The following LPGAT1 variants were observed in gnomAD, a reference collection of about 807,000 sequenced individuals.
LPGAT1 encodes the protein lysophosphatidylglycerol acyltransferase 1, also known as acyl-CoA:lysophosphatidylglycerol acyltransferase 1.
Under a neutral mutation model 47.5 loss-of-function variants are expected in LPGAT1, and 11 were observed. The ratio of observed to expected loss-of-function variants is 0.23; its 90% confidence interval spans 0.15 to 0.38. LPGAT1 has a LOEUF of 0.38. Among genes scored for constraint, LPGAT1 ranks in the 10% least tolerant of loss-of-function variants. The probability of loss-of-function intolerance (pLI) is 1.00; values close to 1 mark genes in which losing one functional copy is unlikely to be tolerated. For synonymous variants in LPGAT1, 138 were observed against 144.2 expected, an observed-to-expected ratio of 0.96 and a Z score of 0.31; for missense variants, 293 against 439.0, an observed-to-expected ratio of 0.67 and a Z score of 2.97.
rs1187048014 is a variant in LPGAT1, at chr1:211,830,137, T to TGTGGAAGGGTCGTGGCGGCG, written c.-28+416_-28+435dup. Reference sequence around the variant, plus strand: ...TGGAGCCTGCAGCGGTTTCCGCGGATGTGGAAGGGTCGTGGCGGCGGGCGC... The same window carrying TGTGGAAGGGTCGTGGCGGCG: ...TGGAGCCTGCAGCGGTTTCCGCGGATGTGGAAGGGTCGTGGCGGCGGTGGAAGGGTCGTGGCGGCGGGCGC... On this transcript the variant is annotated intron_variant, in intron 1 of 7. Transcript: ENST00000366997. The surrounding 1 kb of genome is among the most constrained non-coding windows in gnomAD (Gnocchi z 5.9). The TGTGGAAGGGTCGTGGCGGCG allele has an allele frequency of 5.1e-6, 5 of 983,604 alleles. No individual in the cohort carries two copies. The African/African-American group carries it at 8.8e-5, about 17-fold the overall frequency. The allele number at this position is 983,604 out of a possible 1,614,324, so 60.9% of individuals were successfully genotyped here. A position where few individuals can be genotyped will look rare whatever the true frequency, so the allele number is the denominator to read the frequency against.
At chr1:211,764,893 A>C (rs1288537152) in intron 6 of LPGAT1, among the ~76,000 whole-genome samples, 2 of 152,198 alleles carry the variant, frequency 1.3e-5, no homozygotes, top group Non-Finnish European at 2.9e-5. Flanking sequence ...TCCCCTTCTC[A>C]GTCAAGGATA....
At position 211,774,132 on chromosome 1, in the gene LPGAT1, C is replaced by CTTTTTTTTTTTTTTTTTTTTTTTTT. The variant is rs67342051; in HGVS notation, c.854+4785_854+4786insAAAAAAAAAAAAAAAAAAAAAAAAA. 9.0e-5 allele frequency among the ~76,000 whole-genome samples: 6 copies of CTTTTTTTTTTTTTTTTTTTTTTTTT among 66,826 alleles called. 1 individual carries two copies. Among genetic ancestry groups the CTTTTTTTTTTTTTTTTTTTTTTTTT allele is most frequent in the East Asian group, 1.2e-3 (2 of 1,612 alleles). The allele number at this position is 66,826 out of a possible 152,430, so 43.8% of individuals were successfully genotyped here. The stretch of plus-strand genomic sequence containing the variant: ...AAAGTGCTTTGTGTTTTTTAAAAGT[C>CTTTTTTTTTTTTTTTTTTTTTTTTT]TTTTTTTTTTTTTTTTTTTTGAGAC... On this transcript the variant is annotated intron_variant, in intron 6 of 7. Transcript: ENST00000366997.
rs1437509514 is a variant in LPGAT1 at position 211,745,949 on chromosome 1, C to T, written c.*3950G>A. ...ATCCTCTGTGGACCAGAGCTGAACA[C>T]ACTCATAATGGTAACTCTGGAGTGA... On this transcript the variant is annotated 3_prime_UTR_variant, in exon 8 of 8. Coordinates refer to ENST00000366997, the MANE Select transcript of LPGAT1 (RefSeq NM_014873.3). 2 of 152,636 alleles carry T rather than the reference C, an allele frequency of 1.3e-5. No homozygotes were observed. Among genetic ancestry groups the T allele is most frequent in the Non-Finnish European group, 2.9e-5 (2 of 68,046 alleles). The allele number at this position is 152,636 out of a possible 1,614,324, so 9.5% of individuals were successfully genotyped here.
chr1:211,821,057 A>C (rs932339044), intron 2 of LPGAT1, among the ~76,000 whole-genome samples: 9 of 152,216 alleles, frequency 5.9e-5, no homozygotes, highest in African/African-American at 2.2e-4. Context: ...CAAAAAAAAG[A>C]AAGTGTGAGG....
intron 2 of LPGAT1, among the ~76,000 whole-genome samples, chr1:211,797,163 C>T (rs915738851): frequency 6.6e-6 from 1 of 151,930 alleles, no homozygotes; most frequent in African/African-American, 2.4e-5. Context: ...GCCTGAGGCA[C>T]AAGAATCGCT....
Position 211,746,114 on chromosome 1 carries a change from T to C in LPGAT1, c.*3785A>G, listed in dbSNP as rs1166538416. ...CATGATTAAAGGCTACTCTCTATGA[T>C]TAACCAGGTCCAACTAGTTCAGAAG... On this transcript the variant is annotated 3_prime_UTR_variant, in exon 8 of 8. Transcript: ENST00000366997. 6.5e-6 allele frequency: 1 copy of C among 152,672 alleles called. No homozygotes were observed. Among genetic ancestry groups the C allele is most frequent in the Non-Finnish European group, 1.5e-5 (1 of 68,038 alleles). The allele number at this position is 152,672 out of a possible 1,614,324, so 9.5% of individuals were successfully genotyped here.
chr1:211,793,747 G>A (rs960940959), intron 2 of LPGAT1, among the ~76,000 whole-genome samples: 2 of 152,026 alleles, frequency 1.3e-5, no homozygotes, highest in African/African-American at 2.4e-5. Context: ...TCATACCTTT[G>A]ATCTAGAAGT....
At chr1:211,770,712 A>C (rs966994789) in intron 6 of LPGAT1, among the ~76,000 whole-genome samples, 3 of 152,198 alleles carry the variant, frequency 2.0e-5, no homozygotes, top group African/African-American at 7.2e-5. Flanking sequence ...GTAATATCCT[A>C]GGCCTTCACA....
rs2102618682 is a variant in LPGAT1, at chr1:211,830,122, A to G, written c.-28+451T>C. On this transcript the variant is annotated intron_variant, in intron 1 of 7. Coordinates refer to ENST00000366997, the MANE Select transcript of LPGAT1 (RefSeq NM_014873.3). The surrounding 1 kb of genome is among the most constrained non-coding windows in gnomAD (Gnocchi z 5.9). ...AGCGCGGGGAGCCGGTGGAGCCTGC[A>G]GCGGTTTCCGCGGATGTGGAAGGGT... is the stretch of plus-strand genomic sequence containing the variant. The G allele has an allele frequency of 2.0e-6, 2 of 984,282 alleles. No individual in the cohort carries two copies. The highest frequency in any genetic ancestry group is 1.0e-3 in the Middle Eastern group (2 of 1,918). 61.0% of individuals were successfully genotyped at this position (984,282 alleles called of 1,614,324 possible).
Position 211,783,215 on chromosome 1 carries a change from A to G in LPGAT1, c.727+14T>C. The G allele has an allele frequency of 1.9e-6, 3 of 1,581,396 alleles. No homozygotes were observed. The highest frequency in any genetic ancestry group is 2.6e-6 in the Non-Finnish European group (3 of 1,159,146). ...TAACTCCAACAAGGTAAAAAATGCT[A>G]AAAACCATCATACCTAATTCTTTAG... On this transcript the variant is annotated intron_variant, in intron 5 of 7. Transcript: ENST00000366997.
In LPGAT1 at chr1:211,808,350, CAA is replaced by C. The variant is rs34803941; in HGVS notation, c.239-15162_239-15161del. Among the ~76,000 whole-genome samples the C allele has an allele frequency of 6.2e-3, 757 of 122,726 alleles. 10 individuals are homozygous for C. Among genetic ancestry groups the C allele is most frequent in the African/African-American group, 0.02 (685 of 34,304 alleles). 80.5% of individuals were successfully genotyped at this position (122,726 alleles called of 152,430 possible). A position where few individuals can be genotyped will look rare whatever the true frequency, so the allele number is the denominator to read the frequency against. ...GCGCAACAAGGGCGAAACTCCGTCT[CAA>C]AAAAAAAAAAAAAACCTCTCAAAAC... On this transcript the variant is annotated intron_variant, in intron 2 of 7. Coordinates refer to ENST00000366997, the MANE Select transcript of LPGAT1 (RefSeq NM_014873.3).
At position 211,750,979 on chromosome 1, in the gene LPGAT1, A is replaced by G. The variant is rs1657152936; in HGVS notation, c.943T>C (p.Ser315Pro). 6.2e-7 allele frequency: 1 copy of G among 1,612,248 alleles called. No individual in the cohort carries two copies. Among genetic ancestry groups the G allele is most frequent in the Admixed American group, 1.7e-5 (1 of 59,998 alleles). ...TGTGTACCTGTTTCATAAAAATGTG[A>G]TAAGAGGTCTTCTTTTTCAACAAAC... ...QRFVEKEDLL[S>P]HFYETGAFPP... The change falls in exon 7 of 8, where the codon TCA becomes CCA. Residue 315 changes from serine (S) to proline (P), a missense_variant. Transcript: ENST00000366997.
Position 211,747,976 on chromosome 1 carries a change from C to G in LPGAT1, c.*1923G>C, listed in dbSNP as rs547366524. 1 of 152,720 alleles carries G rather than the reference C, an allele frequency of 6.5e-6. No homozygotes were observed. The highest frequency in any genetic ancestry group is 1.9e-4 in the East Asian group (1 of 5,188). 9.5% of individuals were successfully genotyped at this position (152,720 alleles called of 1,614,324 possible). A position where few individuals can be genotyped will look rare whatever the true frequency, so the allele number is the denominator to read the frequency against. ...GGTATTTCAGTTAATGCATCATTCTCTTTCACATATGCACTGAGTTATCGT... is the reference window on the plus strand; with the variant it reads ...GGTATTTCAGTTAATGCATCATTCTGTTTCACATATGCACTGAGTTATCGT... On this transcript the variant is annotated 3_prime_UTR_variant, in exon 8 of 8. Transcript: ENST00000366997.
Position 211,744,958 on chromosome 1 carries a change from C to T in LPGAT1, c.*4941G>A, listed in dbSNP as rs889060420. 13 of 152,504 alleles carry T rather than the reference C, an allele frequency of 8.5e-5. No homozygotes were observed. Among genetic ancestry groups the T allele is most frequent in the African/African-American group, 3.1e-4 (13 of 41,390 alleles). The allele number at this position is 152,504 out of a possible 1,614,324, so 9.4% of individuals were successfully genotyped here. On this transcript the variant is annotated 3_prime_UTR_variant, in exon 8 of 8. Coordinates refer to ENST00000366997, the MANE Select transcript of LPGAT1 (RefSeq NM_014873.3). Reference sequence around the variant, plus strand: ...TGGTAAAACACACATGCCCCATCCCCACTGCTAAGAATTAAAAGCACTTTA... The same window carrying T: ...TGGTAAAACACACATGCCCCATCCCTACTGCTAAGAATTAAAAGCACTTTA...
rs190404880 is a variant in LPGAT1, at chr1:211,760,953, T to C, written c.855-9886A>G. Among the ~76,000 whole-genome samples the C allele has an allele frequency of 3.4e-3, 517 of 152,340 alleles. 1 individual carries two copies. The highest frequency in any genetic ancestry group is 5.7e-3 in the Non-Finnish European group (388 of 68,028). On this transcript the variant is annotated intron_variant, in intron 6 of 7. Transcript: ENST00000366997. ...ATTTAAAAATCAGATTTTTCTTAAG[T>C]GAAAGGTATTACAAATTACTGAGTT...
chr1:211,811,223 AC>A (rs1351577814), intron 2 of LPGAT1, among the ~76,000 whole-genome samples: 3 of 152,222 alleles, frequency 2.0e-5, no homozygotes, highest in African/African-American at 7.2e-5. Flanking sequence ...AAACAAAAGG[AC>A]TGGGTCTTGA....
intron 4 of LPGAT1, among the ~76,000 whole-genome samples, chr1:211,784,274 T>G (rs1658756004): frequency 6.6e-6 from 1 of 151,992 alleles, no homozygotes; most frequent in Non-Finnish European, 1.5e-5. Flanking sequence ...ATAATCTTAT[T>G]TCTGTTTAAA....
chr1:211,790,519 T>C (rs1659066869), intron 3 of LPGAT1, among the ~76,000 whole-genome samples: 1 of 152,202 alleles, frequency 6.6e-6, no homozygotes. Flanking sequence ...TCTGTAATTA[T>C]TAGGCAGCAG....
chr1:211,815,184 C>A (rs1660126531), intron 2 of LPGAT1, among the ~76,000 whole-genome samples: 1 of 152,208 alleles, frequency 6.6e-6, no homozygotes. Context: ...TTCCAGACTG[C>A]ACATCCATGT....
Sources: gnomAD v4.1 joint callset for allele counts (sites outside exome capture counted in the v4.1 genomes callset) on GRCh38, gnomAD v4.1.1 for gene constraint, Gnocchi (gnomAD v3.1) non-coding constraint, MANE v1.5 for transcripts, NCBI Gene and HGNC (gene_info 2026-07-23, HGNC 2026-07-21) for gene names.